Variants in DNAH5 observed in about 807,000 individuals in gnomAD.
DNAH5 encodes the protein axonemal beta dynein heavy chain 5.
DNAH5 carries 372 observed loss-of-function variants against 518.2 expected under a neutral mutation model. That is an observed-to-expected ratio of 0.72 (90% CI 0.66 to 0.78). The LOEUF is 0.78. DNAH5 is among the 30% of genes least tolerant of loss of function. The probability of loss-of-function intolerance (pLI) is 0.00; values close to 1 mark genes in which losing one functional copy is unlikely to be tolerated. For missense variants in DNAH5, 5,523 were observed against 5,687.0 expected, an observed-to-expected ratio of 0.97 and a Z score of 0.93; for synonymous variants, 2,039 against 2,025.9, an observed-to-expected ratio of 1.01 and a Z score of -0.17.
At chr5:13,693,303 T>A (rs1295836408) in intron 78 of DNAH5, among the ~76,000 whole-genome samples, 2 of 152,234 alleles carry the variant, frequency 1.3e-5, no homozygotes, top group Non-Finnish European at 2.9e-5. Flanking sequence ...AGTTATTGAA[T>A]TTATTTCTCA....
At chr5:13,925,074 C>CA (rs1777723688) in intron 3 of DNAH5, among the ~76,000 whole-genome samples, 1 of 152,116 alleles carries the variant, frequency 6.6e-6, no homozygotes, top group South Asian at 2.1e-4. Flanking sequence ...ATCTTCCTCC[C>CA]ATGGTGCTAG....
At chr5:13,869,873 A>AC (rs1315408543) in intron 24 of DNAH5, among the ~76,000 whole-genome samples, 1 of 152,144 alleles carries the variant, frequency 6.6e-6, no homozygotes, top group African/African-American at 2.4e-5. Context: ...TGGTGGCCTA[A>AC]CATGAGATTT....
intron 78 of DNAH5, among the ~76,000 whole-genome samples, chr5:13,693,955 GA>G (rs1007165724): frequency 2.0e-5 from 3 of 152,228 alleles, no homozygotes; most frequent in Non-Finnish European, 2.9e-5. Flanking sequence ...GTAAATGAAT[GA>G]CAATGAATCA....
intron 47 of DNAH5, among the ~76,000 whole-genome samples, chr5:13,803,780 C>T: frequency 6.6e-6 from 1 of 152,178 alleles, no homozygotes; most frequent in East Asian, 1.9e-4. Flanking sequence ...TGCAGGACCC[C>T]AGCTCCAATT....
At position 13,861,013 on chromosome 5, in the gene DNAH5, A is replaced by G. The variant is rs1270360665; in HGVS notation, c.4797-1408T>C. On this transcript the variant is annotated intron_variant, in intron 29 of 78. Coordinates refer to ENST00000265104, the MANE Select transcript of DNAH5 (RefSeq NM_001369.3). Reference sequence around the variant, plus strand: ...CCATAGAAACAGAGATCTTTCCCTTATTTGTTGTTCTACCCACAGCGCCTA... The same window carrying G: ...CCATAGAAACAGAGATCTTTCCCTTGTTTGTTGTTCTACCCACAGCGCCTA... 2.6e-5 allele frequency among the ~76,000 whole-genome samples: 4 copies of G among 152,132 alleles called. No individual in the cohort carries two copies. The East Asian group carries it at 7.7e-4, about 29-fold the overall frequency.
At chr5:13,996,531 G>A (rs1270814188) in intron 1 of DNAH5, among the ~76,000 whole-genome samples, 1 of 152,126 alleles carries the variant, frequency 6.6e-6, no homozygotes, top group African/African-American at 2.4e-5. Context: ...ATAATTTTGG[G>A]ACAGACATAG....
chr5:13,792,190 G>A lies in DNAH5; in HGVS notation c.8252C>T (p.Thr2751Ile). Residue 2751 changes from threonine (T) to isoleucine (I), a missense_variant, in exon 50 of 79, where the codon ACT (threonine) becomes ATT (isoleucine). By Grantham distance (89) the Thr-to-Ile change is moderately conservative. Around this residue, in one of 3 missense-constraint regions of DNAH5, gnomAD observed 5,121 missense variants for 5,223.3 expected, o/e 0.98. Coordinates refer to ENST00000265104, the MANE Select transcript of DNAH5 (RefSeq NM_001369.3). The stretch of plus-strand genomic sequence containing the variant: ...CACTTCTTCTGAGAAACCCCTCTGA[G>A]TACAGTAGTGGCCTACCCCAATCAC... Reference protein sequence around the residue: ...FGVIGVGHYCTQRGFSEEVRD... With the variant: ...FGVIGVGHYCIQRGFSEEVRD... The A allele has an allele frequency of 1.2e-6, 2 of 1,613,938 alleles. No homozygotes were observed. The highest frequency in any genetic ancestry group is 2.2e-5 in the East Asian group (1 of 44,886).
intron 47 of DNAH5, among the ~76,000 whole-genome samples, chr5:13,797,095 A>T (rs1201812686): frequency 2.0e-5 from 3 of 152,130 alleles, no homozygotes; most frequent in African/African-American, 7.2e-5. Context: ...AACTATAAAA[A>T]CCCTAGAGGA....
At chr5:13,714,315 T>C (rs1743997059) in intron 75 of DNAH5, 90 bp downstream of exon 75, 1 of 1,336,632 alleles carries the variant, frequency 7.5e-7, no homozygotes, top group Non-Finnish European at 1.1e-6. Flanking sequence ...TTCAGGAAAA[T>C]CATTTTTTGC....
chr5:13,782,368 G>C (rs1351261421), intron 52 of DNAH5, among the ~76,000 whole-genome samples: 1 of 152,076 alleles, frequency 6.6e-6, no homozygotes, highest in Non-Finnish European at 1.5e-5. Context: ...TGTGAACCTG[G>C]GGAAAAGGAG....
rs771107383 is a variant in DNAH5 at position 13,911,505 on chromosome 5, T to C, written c.1537-12A>G. The C allele has an allele frequency of 1.3e-6, 2 of 1,582,952 alleles. No individual in the cohort carries two copies. Among genetic ancestry groups the C allele is most frequent in the Non-Finnish European group, 8.7e-7 (1 of 1,152,502 alleles). ...GTTGCCACAATGCCCTGAAATATTATGAGATAAATTAGATAATATTTCAAT... is the reference window on the plus strand; with the variant it reads ...GTTGCCACAATGCCCTGAAATATTACGAGATAAATTAGATAATATTTCAAT... On this transcript the variant is annotated splice_polypyrimidine_tract_variant and intron_variant, in intron 11 of 78. Transcript: ENST00000265104.
Position 13,841,055 on chromosome 5 carries a change from T to C in DNAH5, c.5560A>G (p.Lys1854Glu). 1 of 1,614,214 alleles carries C rather than the reference T, an allele frequency of 6.2e-7. No homozygotes were observed. The highest frequency in any genetic ancestry group is 8.5e-7 in the Non-Finnish European group (1 of 1,180,028). ...GCCTGATTAGTTTTCTGCATGATTT[T>C]TTTATCAAACTTGGCATTTCTAAGG... ...EALRNAKFDK[K>E]IMQKTNQAFL... is the part of the protein sequence containing the mutation. Residue 1854 changes from lysine to glutamate, a missense_variant, in exon 34 of 79, where the codon AAA (lysine) becomes GAA (glutamate). This residue lies in a region of DNAH5 where 5,121 missense variants were observed against 5,223.3 expected (regional missense o/e 0.98). Coordinates refer to ENST00000265104, the MANE Select transcript of DNAH5 (RefSeq NM_001369.3).
intron 1 of DNAH5, 121 bp downstream of exon 1, chr5:13,944,261 T>A: frequency 1.0e-6 from 1 of 953,696 alleles, no homozygotes; most frequent in Non-Finnish European, 1.7e-6. Flanking sequence ...TTAAAAAATG[T>A]GTTTCTCGCA....
At position 13,778,817 on chromosome 5, in the gene DNAH5, A is replaced by G. The variant is rs79318157; in HGVS notation, c.8952-1462T>C. Among the ~76,000 whole-genome samples, 234 of 152,314 alleles carry G rather than the reference A, an allele frequency of 1.5e-3. 1 individual carries two copies. The highest frequency in any genetic ancestry group is 5.2e-3 in the African/African-American group (218 of 41,588). ...TATACAAAGCCTTTAGAAGTTTGAT[A>G]ACATCTTGAAAGCTATGAAAAGGAA... On this transcript the variant is annotated intron_variant, in intron 53 of 78. Coordinates refer to ENST00000265104, the MANE Select transcript of DNAH5 (RefSeq NM_001369.3).
At chr5:13,733,622 AAGAG>A (rs563877361) in intron 68 of DNAH5, among the ~76,000 whole-genome samples, 3 of 152,226 alleles carry the variant, frequency 2.0e-5, no homozygotes, top group South Asian at 2.1e-4. Context: ...GACACAATTA[AAGAG>A]AGAGAGATTG....
chr5:13,931,365 A>C (rs1277615858), intron 1 of DNAH5, 121 bp from the exon 2 acceptor site: 1 of 1,065,110 alleles, frequency 9.4e-7, no homozygotes, highest in East Asian at 2.4e-5. Flanking sequence ...TAGACAGCTT[A>C]ATGGTACCAA....
chr5:13,991,176 T>A (rs1266287851), intron 1 of DNAH5, among the ~76,000 whole-genome samples: 1 of 151,964 alleles, frequency 6.6e-6, no homozygotes, highest in Non-Finnish European at 1.5e-5. Context: ...AACCACATTG[T>A]GAAAAGAGGG....
Position 13,908,695 on chromosome 5 carries a change from C to G in DNAH5, c.1644+2691G>C, listed in dbSNP as rs189546094. 6.6e-5 allele frequency among the ~76,000 whole-genome samples: 10 copies of G among 152,332 alleles called. No homozygotes were observed. In the East Asian group the frequency reaches 1.9e-3, roughly 29 times the overall value. On this transcript the variant is annotated intron_variant, in intron 12 of 78. Transcript: ENST00000265104. The stretch of plus-strand genomic sequence containing the variant: ...CTGCTGGGATCAGCATGCTTCTAGA[C>G]TTCCAACAGCCCACTTGGTTCCAAC...
At chr5:13,838,315 G>A (rs1434246281) in intron 35 of DNAH5, among the ~76,000 whole-genome samples, 1 of 152,174 alleles carries the variant, frequency 6.6e-6, no homozygotes, top group Non-Finnish European at 1.5e-5. Context: ...ATTGGTCCAT[G>A]GTCTGTTAGG....
Sources: allele counts gnomAD v4.1 joint callset (sites outside exome capture counted in the v4.1 genomes callset), GRCh38; gene constraint gnomAD v4.1.1; regional missense constraint gnomAD v4.1.1; transcripts MANE v1.5; gene names NCBI Gene and HGNC (gene_info 2026-07-23, HGNC 2026-07-21).